CARHSP1: variants seen among roughly 807,000 people sequenced by gnomAD.
The protein encoded by CARHSP1 is calcium regulated heat stable protein 1, also known as calcium-regulated heat-stable protein 1.
In CARHSP1, 14 loss-of-function variants were observed where a neutral mutation model predicts 12.5. The observed-to-expected ratio is 1.12, with a 90% CI of 0.74 to 1.75. The LOEUF (loss-of-function observed/expected upper bound fraction) is 1.75, where lower values mean the gene tolerates loss of function less well. Among genes scored for constraint, CARHSP1 ranks in the 40% most tolerant of loss-of-function variants. The probability of loss-of-function intolerance (pLI) is 0.00; values close to 1 mark genes in which losing one functional copy is unlikely to be tolerated. For synonymous variants in CARHSP1, 161 were observed against 82.0 expected (o/e 1.96, Z -5.20); for missense variants, 343 against 201.6 (o/e 1.70, Z -4.25).
At position 8,859,191 on chromosome 16, in the gene CARHSP1, G is replaced by C. The variant is rs556070958; in HGVS notation, c.138C>G (p.Arg46=). 6.2e-7 allele frequency: 1 copy of C among 1,602,762 alleles called. No individual in the cohort carries two copies. Among genetic ancestry groups the C allele is most frequent in the Admixed American group, 1.7e-5 (1 of 58,942 alleles). ...CTCACGCCGAGAAGGTCCTCGTCCGGCGAGTGGGCAGTGGGCTTGGGACCA... is the reference window on the plus strand; with the variant it reads ...CTCACGCCGAGAAGGTCCTCGTCCGCCGAGTGGGCAGTGGGCTTGGGACCA... ...GNVVPSPLPT[R]RTRTFSATVR... Residue 46 remains arginine (R), a synonymous_variant, in exon 2 of 4, where the codon CGC becomes CGG. Transcript: ENST00000311052.
At chr16:8,859,396 C>A (rs937247579) in intron 1 of CARHSP1, 61 bp from the exon 2 acceptor site, 7 of 1,461,408 alleles carry the variant, frequency 4.8e-6, no homozygotes, top group Middle Eastern at 1.8e-4. Flanking sequence ...CTGTGCTTAC[C>A]CCCATGTCCA....
rs765123969 is a variant in CARHSP1 at position 8,855,123 on chromosome 16, G to A, written c.*41C>T. 1 of 1,452,854 alleles carries A rather than the reference G, an allele frequency of 6.9e-7. No homozygotes were observed. The highest frequency in any genetic ancestry group is 9.2e-7 in the Non-Finnish European group (1 of 1,088,408). The allele number at this position is 1,452,854 out of a possible 1,614,324, so 90.0% of individuals were successfully genotyped here. ...GTGTCTGCTGCCTCCTCCCTGCAAA[G>A]TCTCCCACAAGCACAGGACAAGGGG... On this transcript the variant is annotated 3_prime_UTR_variant, in exon 4 of 4. Transcript: ENST00000311052.
intron 1 of CARHSP1, chr16:8,860,256 C>G (rs2061309533): frequency 2.0e-6 from 2 of 982,802 alleles, no homozygotes. Flanking sequence ...ATTTCCAAGG[C>G]TGCATCCAGC....
intron 3 of CARHSP1, among the ~76,000 whole-genome samples, chr16:8,857,263 G>GTTTTTTGTTTTTTGTTTTTTT (rs1315960023): frequency 1.2e-4 from 7 of 57,032 alleles, no homozygotes; most frequent in Admixed American, 5.0e-4. Flanking sequence ...GGGCAGATCT[G>GTTTTTTGTTTTTTGTTTTTTT]TTTTTTTTTT....
rs150094894 is a variant in CARHSP1 at position 8,853,042 on chromosome 16, A to G, written c.*2122T>C. ...AATTTTAGCTCTCGCTCTGTCACCA[A>G]AACCCTCCGTCCCTCCCAGAGCCTC... On this transcript the variant is annotated 3_prime_UTR_variant, in exon 4 of 4. Coordinates refer to ENST00000311052, the MANE Select transcript of CARHSP1 (RefSeq NM_014316.4). The G allele has an allele frequency of 5.9e-5, 9 of 152,280 alleles. No homozygotes were observed. In the East Asian group the frequency reaches 1.5e-3, roughly 26 times the overall value. The allele number at this position is 152,280 out of a possible 1,614,324, so 9.4% of individuals were successfully genotyped here.
At chr16:8,860,086 A>C (rs1439293754) in intron 1 of CARHSP1, 13 of 959,444 alleles carry the variant, frequency 1.4e-5, no homozygotes, top group Admixed American at 6.2e-5. Context: ...ACCACAGGGA[A>C]GCAGGGGCAA....
At chr16:8,863,107 G>A (rs1464865249) in intron 1 of CARHSP1, among the ~76,000 whole-genome samples, 1 of 131,998 alleles carries the variant, frequency 7.6e-6, no homozygotes, top group Non-Finnish European at 1.6e-5. Context: ...TGGCCACAAG[G>A]ATGGCTTTTT....
At chr16:8,858,923 G>A (rs1049828267) in intron 2 of CARHSP1, 78 of 453,236 alleles carry the variant, frequency 1.7e-4, no homozygotes, top group African/African-American at 5.1e-4. Context: ...AAAGCCCAGC[G>A]ATTCTGACCC....
chr16:8,857,093 T>C (rs1423240266), intron 3 of CARHSP1, among the ~76,000 whole-genome samples: 3 of 152,084 alleles, frequency 2.0e-5, no homozygotes, highest in African/African-American at 7.2e-5. Flanking sequence ...CCCAGCCTCA[T>C]GGGGTGTCCT....
At chr16:8,864,578 G>A (rs1455882918) in intron 1 of CARHSP1, among the ~76,000 whole-genome samples, 1 of 152,210 alleles carries the variant, frequency 6.6e-6, no homozygotes, top group African/African-American at 2.4e-5. Context: ...GGTGAAATAC[G>A]GAGTAAGTCA....
chr16:8,867,047 G>A (rs2061466665), intron 1 of CARHSP1, among the ~76,000 whole-genome samples: 1 of 152,082 alleles, frequency 6.6e-6, no homozygotes, highest in South Asian at 2.1e-4. Context: ...GGCCTCGACC[G>A]GACGGGCGAC....
In CARHSP1 at chr16:8,853,959, G is replaced by C. The variant is rs1011320870; in HGVS notation, c.*1205C>G. ...AAATTAACCGGGTGTGGTGGCGCAT[G>C]CCTGTAATCCCAGCTACTCAGGAGA... On this transcript the variant is annotated 3_prime_UTR_variant, in exon 4 of 4. Coordinates refer to ENST00000311052, the MANE Select transcript of CARHSP1 (RefSeq NM_014316.4). The C allele has an allele frequency of 6.6e-6, 1 of 152,204 alleles. No homozygotes were observed. The highest frequency in any genetic ancestry group is 1.5e-5 in the Non-Finnish European group (1 of 68,098). The allele number at this position is 152,204 out of a possible 1,614,324, so 9.4% of individuals were successfully genotyped here. A position where few individuals can be genotyped will look rare whatever the true frequency, so the allele number is the denominator to read the frequency against.
rs200252893 is a variant in CARHSP1 at position 8,855,485 on chromosome 16, AGCT to A, written c.282-162_282-160del. ...AAAGAACTGCCCCTCCACCAGAGGG[AGCT>A]GCCACACTGCCCCCAGCCTCTGTCC... On this transcript the variant is annotated intron_variant, in intron 3 of 3. Transcript: ENST00000311052. Among the ~76,000 whole-genome samples the A allele has an allele frequency of 2.7e-3, 415 of 151,944 alleles. 2 individuals are homozygous for A. Among genetic ancestry groups the A allele is most frequent in the Admixed American group, 0.015 (236 of 15,254 alleles).
At position 8,853,829 on chromosome 16, in the gene CARHSP1, T is replaced by TC. The variant is rs1376511934; in HGVS notation, c.*1334_*1335insG. 1 of 152,204 alleles carries TC rather than the reference T, an allele frequency of 6.6e-6. No homozygotes were observed. Among genetic ancestry groups the TC allele is most frequent in the Non-Finnish European group, 1.5e-5 (1 of 68,058 alleles). The allele number at this position is 152,204 out of a possible 1,614,324, so 9.4% of individuals were successfully genotyped here. On this transcript the variant is annotated 3_prime_UTR_variant, in exon 4 of 4. Coordinates refer to ENST00000311052, the MANE Select transcript of CARHSP1 (RefSeq NM_014316.4). ...GGCCGGGCGCGATGGCTCACACTTGTAATCCCAGCACTTTGAGAGGCCGAG... is the reference window on the plus strand; with the variant it reads ...GGCCGGGCGCGATGGCTCACACTTGTCAATCCCAGCACTTTGAGAGGCCGAG...
chr16:8,857,314 C>CTTTTT (rs1850968180), intron 3 of CARHSP1: 1 of 91,616 alleles, frequency 1.1e-5, no homozygotes, highest in Non-Finnish European at 2.1e-5. Context: ...TGGAGTTTTG[C>CTTTTT]TCTTGTTGCC....
chr16:8,866,478 C>G (rs2061457040), intron 1 of CARHSP1: 1 of 985,290 alleles, frequency 1.0e-6, no homozygotes, highest in Non-Finnish European at 1.2e-6. Context: ...GCTGACCCAT[C>G]CCAGTCTCCA....
intron 3 of CARHSP1, among the ~76,000 whole-genome samples, chr16:8,856,426 A>C (rs1235626602): frequency 2.6e-5 from 4 of 152,326 alleles, no homozygotes; most frequent in Admixed American, 2.0e-4. Context: ...TACTTCCAGC[A>C]GCAGAACCAG....
intron 1 of CARHSP1, among the ~76,000 whole-genome samples, chr16:8,861,233 G>A (rs564903839): frequency 1.6e-5 from 2 of 122,422 alleles, no homozygotes; most frequent in East Asian, 2.5e-4. Context: ...TGCCCAGGCT[G>A]ATCTCAAACT....
chr16:8,858,058 C>T (rs1448487650), intron 3 of CARHSP1: 1 of 395,144 alleles, frequency 2.5e-6, no homozygotes, highest in Non-Finnish European at 4.7e-6. Flanking sequence ...CCACCACGCC[C>T]AGCACACACA....
Sources: allele counts gnomAD v4.1 joint callset (sites outside exome capture counted in the v4.1 genomes callset), GRCh38; gene constraint gnomAD v4.1.1; transcripts MANE v1.5; gene names NCBI Gene and HGNC (gene_info 2026-07-23, HGNC 2026-07-21).